TEKT5: variants seen among roughly 807,000 people sequenced by gnomAD.
TEKT5 encodes the protein tektin-5.
In TEKT5, 52 loss-of-function variants were observed where a neutral mutation model predicts 48.7. The ratio of observed to expected loss-of-function variants is 1.07; its 90% CI spans 0.86 to 1.35. TEKT5 has a LOEUF of 1.35. Among genes scored for constraint, TEKT5 ranks in the 40% most tolerant of loss-of-function variants. The pLI, the probability that TEKT5 is intolerant of heterozygous loss-of-function variation, is 0.00. For synonymous variants in TEKT5, 318 were observed against 267.6 expected (o/e 1.19, Z -1.84); for missense variants, 831 against 641.6 (o/e 1.30, Z -3.19).
At chr16:10,664,952 CAG>C (rs1017618148) in intron 5 of TEKT5, among the ~76,000 whole-genome samples, 5 of 152,116 alleles carry the variant, frequency 3.3e-5, no homozygotes, top group Non-Finnish European at 5.9e-5. Flanking sequence ...TCCCATTTGA[CAG>C]AGGAAAAAAC....
At chr16:10,687,319 T>C (rs991568624) in intron 3 of TEKT5, among the ~76,000 whole-genome samples, 4 of 152,244 alleles carry the variant, frequency 2.6e-5, no homozygotes, top group Non-Finnish European at 5.9e-5. Flanking sequence ...TCATGTTTTA[T>C]ATGTACAGCA....
intron 5 of TEKT5, among the ~76,000 whole-genome samples, chr16:10,672,916 G>C (rs996455885): frequency 6.6e-6 from 1 of 151,612 alleles, no homozygotes; most frequent in Non-Finnish European, 1.5e-5. Flanking sequence ...GAGTGCAGTG[G>C]TGCAATCACA....
chr16:10,637,461 GA>G (rs1426429137), intron 5 of TEKT5, among the ~76,000 whole-genome samples: 1 of 150,680 alleles, frequency 6.6e-6, no homozygotes, highest in African/African-American at 2.5e-5. Flanking sequence ...GAGGAGGGGA[GA>G]GGGGAGAGGA....
intron 4 of TEKT5, among the ~76,000 whole-genome samples, chr16:10,677,329 G>A (rs1898664960): frequency 6.8e-6 from 1 of 147,800 alleles, no homozygotes; most frequent in African/African-American, 2.6e-5. Context: ...TGTATGAAGT[G>A]CTGAATGTGA....
chr16:10,650,600 T>A (rs1020799824), intron 5 of TEKT5, among the ~76,000 whole-genome samples: 2 of 140,034 alleles, frequency 1.4e-5, no homozygotes, highest in South Asian at 4.4e-4. Context: ...AAAAGCCACA[T>A]CTGGCCAGGT....
In TEKT5 at chr16:10,661,798, G is replaced by C. The variant is rs563916003; in HGVS notation, c.1086+14161C>G. 2.2e-4 allele frequency among the ~76,000 whole-genome samples: 33 copies of C among 152,230 alleles called. No homozygotes were observed. In the South Asian group the frequency reaches 6.4e-3, roughly 30 times the overall value. On this transcript the variant is annotated intron_variant, in intron 5 of 6. Transcript: ENST00000283025. ...CAGCCACTGCCAAGCATGTGGCCTT[G>C]GCAAATCACCAAACCTCTGTGAGCC...
chr16:10,637,052 G>C (rs1285889518), intron 5 of TEKT5, among the ~76,000 whole-genome samples: 2 of 149,284 alleles, frequency 1.3e-5, no homozygotes, highest in African/African-American at 2.5e-5. Context: ...TGCGATTTCG[G>C]CTCACTGCAA....
intron 3 of TEKT5, among the ~76,000 whole-genome samples, chr16:10,684,215 G>A (rs533103065): frequency 1.3e-5 from 2 of 152,318 alleles, no homozygotes; most frequent in South Asian, 4.1e-4. Flanking sequence ...TCCATTAAGT[G>A]AGGGTATGTC....
intron 5 of TEKT5, among the ~76,000 whole-genome samples, chr16:10,660,661 CTGTGTGTGTGTGTG>C (rs4028826): frequency 0.26 from 37,053 of 144,296 alleles, 5,283 homozygotes; most frequent in Middle Eastern, 0.35. Context: ...GAGTGCAAGG[CTGTGTGTGTGTGTG>C]TGTGTGTGTG....
intron 5 of TEKT5, among the ~76,000 whole-genome samples, chr16:10,645,087 T>C (rs1170735371): frequency 6.6e-6 from 1 of 152,180 alleles, no homozygotes; most frequent in African/African-American, 2.4e-5. Flanking sequence ...ACTTTTAGCC[T>C]CCAGAACTGT....
At position 10,694,771 on chromosome 16, in the gene TEKT5, A is replaced by G; in HGVS notation, c.103T>C (p.Cys35Arg). The change falls in exon 1 of 7, where the codon TGC becomes CGC. Residue 35 changes from cysteine to arginine, a missense_variant. Transcript: ENST00000283025. ...CCGGGCAGGTAGTAGGGCTGATAGC[A>G]TTCCTGGATCACTGGCGCCTGTACA... ...PAVQAPVIQE[C>R]YQPYYLPGYR... The G allele has an allele frequency of 6.2e-7, 1 of 1,614,042 alleles. No homozygotes were observed. The highest frequency in any genetic ancestry group is 2.2e-5 in the East Asian group (1 of 44,890).
chr16:10,686,612 T>C (rs1024176113), intron 3 of TEKT5, among the ~76,000 whole-genome samples: 3 of 151,950 alleles, frequency 2.0e-5, no homozygotes, highest in South Asian at 2.1e-4. Context: ...TGAGATTACA[T>C]CAAACGAAAA....
intron 5 of TEKT5, among the ~76,000 whole-genome samples, chr16:10,662,400 C>T (rs976444434): frequency 1.4e-4 from 22 of 152,148 alleles, no homozygotes; most frequent in African/African-American, 5.1e-4. Context: ...CTTGTGGAGT[C>T]CTAAGTCAGC....
chr16:10,686,876 G>A (rs1898870172), intron 3 of TEKT5, among the ~76,000 whole-genome samples: 1 of 152,194 alleles, frequency 6.6e-6, no homozygotes, highest in South Asian at 2.1e-4. Flanking sequence ...AAGGTGGCAT[G>A]TATACACAAC....
At chr16:10,629,425 T>C (rs1897804441) in intron 6 of TEKT5, among the ~76,000 whole-genome samples, 1 of 152,048 alleles carries the variant, frequency 6.6e-6, no homozygotes, top group South Asian at 2.1e-4. Context: ...TAATTTTTCA[T>C]GTTTTAGTAG....
intron 5 of TEKT5, among the ~76,000 whole-genome samples, chr16:10,651,112 A>G (rs1898149170): frequency 6.6e-6 from 1 of 152,168 alleles, no homozygotes; most frequent in African/African-American, 2.4e-5. Flanking sequence ...AGCAGGAGGG[A>G]CAGTTTAGTG....
In TEKT5 at chr16:10,643,224, A is replaced by G. The variant is rs1020117534; in HGVS notation, c.1087-7306T>C. ...AGTGAGACCCCATCTCTAAAAAAAA[A>G]AAAAATTTTCTGGGCCTGGTAGCTG... On this transcript the variant is annotated intron_variant, in intron 5 of 6. Transcript: ENST00000283025. 2.3e-4 allele frequency among the ~76,000 whole-genome samples: 35 copies of G among 151,978 alleles called. 1 individual carries two copies. Among genetic ancestry groups the G allele is most frequent in the African/African-American group, 8.2e-4 (34 of 41,374 alleles).
intron 1 of TEKT5, among the ~76,000 whole-genome samples, chr16:10,693,167 C>T (rs965951109): frequency 4.6e-5 from 7 of 152,216 alleles, no homozygotes; most frequent in African/African-American, 1.2e-4. Context: ...GCAATCTCAG[C>T]TCACTGCAAC....
chr16:10,661,074 T>C lies in TEKT5; in HGVS notation c.1086+14885A>G, dbSNP rs138587926. Among the ~76,000 whole-genome samples the C allele has an allele frequency of 3.2e-3, 488 of 152,288 alleles. 3 individuals are homozygous for C. The highest frequency in any genetic ancestry group is 0.01 in the African/African-American group (418 of 41,562). ...TCTCAATATACAGCTTTATGATCTC[T>C]GTTGAAACTACTCAACCTGACCACT... On this transcript the variant is annotated intron_variant, in intron 5 of 6. Coordinates refer to ENST00000283025, the MANE Select transcript of TEKT5 (RefSeq NM_144674.2).
Sources: gnomAD v4.1 joint callset for allele counts (sites outside exome capture counted in the v4.1 genomes callset) on GRCh38, gnomAD v4.1.1 for gene constraint, MANE v1.5 for transcripts, NCBI Gene and HGNC (gene_info 2026-07-23, HGNC 2026-07-21) for gene names.